Variants in CHL1 observed in about 807,000 individuals in gnomAD.
The protein encoded by CHL1 is cell adhesion molecule L1 like, also known as neural cell adhesion molecule L1-like protein.
In CHL1, 96 loss-of-function variants were observed where a neutral mutation model predicts 141.9. The ratio of observed to expected loss-of-function variants is 0.68; its 90% CI spans 0.57 to 0.80. The LOEUF (loss-of-function observed/expected upper bound fraction) is 0.80. Ranked by LOEUF, CHL1 falls within the 30% of genes least tolerant of loss-of-function variation. The pLI, the probability that CHL1 is intolerant of heterozygous loss-of-function variation, is 0.00. For synonymous variants in CHL1, 613 were observed against 502.2 expected (o/e 1.22, Z -2.95); for missense variants, 1,820 against 1,457.2 (o/e 1.25, Z -4.05).
rs144590542 is a variant in CHL1 at position 286,183 on chromosome 3, A to G, written c.-94-33500A>G. Among the ~76,000 whole-genome samples the G allele has an allele frequency of 2.5e-3, 376 of 152,290 alleles. 1 individual carries two copies. The highest frequency in any genetic ancestry group is 0.01 in the Middle Eastern group (3 of 294). Reference sequence around the variant, plus strand: ...AACACCACCCAGTTTGTCTCCTGCAAGGCACTTATCACAACCCTTAATGTT... The same window carrying G: ...AACACCACCCAGTTTGTCTCCTGCAGGGCACTTATCACAACCCTTAATGTT... On this transcript the variant is annotated intron_variant, in intron 2 of 27. Transcript: ENST00000256509.
chr3:265,212 C>A (rs79774183), intron 2 of CHL1, among the ~76,000 whole-genome samples: 4,517 of 152,272 alleles, frequency 0.03, 93 homozygotes, highest in Non-Finnish European at 0.049. Flanking sequence ...CCATTATTTG[C>A]TAGCTGCATG....
Position 214,782 on chromosome 3 carries a change from C to G in CHL1, c.-175+17719C>G, listed in dbSNP as rs571008416. On this transcript the variant is annotated intron_variant, in intron 1 of 27. Transcript: ENST00000256509. ...ATTAAAAGTTCAATAGGAATAAGTC[C>G]TCATGTTATGAGAGAGTATAAAGCA... Among the ~76,000 whole-genome samples the G allele has an allele frequency of 6.6e-5, 10 of 152,118 alleles. No individual in the cohort carries two copies. In the South Asian group the frequency reaches 1.5e-3, roughly 22 times the overall value.
chr3:408,695 G>T lies in CHL1; in HGVS notation c.*2984G>T, dbSNP rs935406964. 1.3e-5 allele frequency: 2 copies of T among 152,028 alleles called. No individual in the cohort carries two copies. Among genetic ancestry groups the T allele is most frequent in the African/African-American group, 4.8e-5 (2 of 41,412 alleles). The allele number at this position is 152,028 out of a possible 1,614,324, so 9.4% of individuals were successfully genotyped here. ...CTACATAAAATAAATCTACTGTTTA[G>T]TGAGCAGTATGATTTGTACATGCCA... On this transcript the variant is annotated 3_prime_UTR_variant, in exon 28 of 28. Coordinates refer to ENST00000256509, the MANE Select transcript of CHL1 (RefSeq NM_006614.4).
chr3:200,433 T>C (rs1197993132), intron 1 of CHL1, among the ~76,000 whole-genome samples: 2 of 152,182 alleles, frequency 1.3e-5, no homozygotes, highest in East Asian at 1.9e-4. Flanking sequence ...TACTATATTA[T>C]CTGATTCAGT....
chr3:248,844 T>C (rs1419166221), intron 2 of CHL1, among the ~76,000 whole-genome samples: 1 of 152,158 alleles, frequency 6.6e-6, no homozygotes, highest in Non-Finnish European at 1.5e-5. Context: ...ATCTCTTTCA[T>C]AAGCAGACAC....
intron 2 of CHL1, among the ~76,000 whole-genome samples, chr3:309,981 G>C (rs1314223742): frequency 6.6e-6 from 1 of 152,040 alleles, no homozygotes; most frequent in Non-Finnish European, 1.5e-5. Context: ...GAAAATAAGG[G>C]ACAGACCTTT....
At chr3:268,507 C>T (rs1173638137) in intron 2 of CHL1, among the ~76,000 whole-genome samples, 2 of 151,800 alleles carry the variant, frequency 1.3e-5, no homozygotes, top group Non-Finnish European at 2.9e-5. Context: ...TGCAGTCCAG[C>T]CTGGGTGACA....
chr3:201,396 G>C (rs989159796), intron 1 of CHL1, among the ~76,000 whole-genome samples: 1 of 152,138 alleles, frequency 6.6e-6, no homozygotes, highest in South Asian at 2.1e-4. Context: ...TCAATTTTAA[G>C]GCATTTTCCT....
Position 382,552 on chromosome 3 carries a change from C to T in CHL1, c.2057C>T (p.Thr686Ile). 1.9e-6 allele frequency: 3 copies of T among 1,613,782 alleles called. No homozygotes were observed. Among genetic ancestry groups the T allele is most frequent in the Non-Finnish European group, 2.5e-6 (3 of 1,179,826 alleles). ...CTGACCAGAGTCCAAGGAAAGAAAA[C>T]CACAGTTATCTTACCTTTGGCTCCA... ...EELTRVQGKK[T>I]TVILPLAPFV... is the part of the protein sequence containing the mutation. The change falls in exon 18 of 28, where the codon ACC becomes ATC. Residue 686 changes from threonine (T) to isoleucine (I), a missense_variant. Thr to Ile is a moderately conservative substitution (Grantham distance 89). Coordinates refer to ENST00000256509, the MANE Select transcript of CHL1 (RefSeq NM_006614.4).
chr3:231,518 G>A (rs1441128113), intron 1 of CHL1, among the ~76,000 whole-genome samples: 1 of 148,022 alleles, frequency 6.8e-6, no homozygotes, highest in African/African-American at 2.5e-5. Context: ...AAAAAAAGAA[G>A]TTTATATTCA....
intron 10 of CHL1, among the ~76,000 whole-genome samples, chr3:353,032 G>T (rs1703395816): frequency 6.6e-6 from 1 of 152,086 alleles, no homozygotes; most frequent in African/African-American, 2.4e-5. Flanking sequence ...GGTGGGCCTG[G>T]GCAAGTTAGG....
chr3:223,967 A>T (rs1051114513), intron 1 of CHL1, among the ~76,000 whole-genome samples: 19 of 152,164 alleles, frequency 1.2e-4, no homozygotes, highest in Admixed American at 3.9e-4. Context: ...CCCAAATGCA[A>T]GAGTCTGAAA....
At chr3:233,150 C>A (rs149981985) in intron 1 of CHL1, among the ~76,000 whole-genome samples, 1 of 152,228 alleles carries the variant, frequency 6.6e-6, no homozygotes, top group Non-Finnish European at 1.5e-5. Flanking sequence ...TACAAATCCA[C>A]GATGGTCTTT....
intron 10 of CHL1, among the ~76,000 whole-genome samples, chr3:351,927 T>C (rs538514709): frequency 3.7e-4 from 57 of 152,268 alleles, no homozygotes; most frequent in East Asian, 3.3e-3. Context: ...AGATATATTA[T>C]AGTGACATCT....
intron 23 of CHL1, among the ~76,000 whole-genome samples, chr3:392,195 T>A (rs1262214932): frequency 1.3e-5 from 2 of 152,202 alleles, no homozygotes; most frequent in African/African-American, 4.8e-5. Flanking sequence ...ACGTGTTTAA[T>A]GTTTATATAT....
chr3:392,809 A>T (rs917651147), intron 23 of CHL1, among the ~76,000 whole-genome samples: 5 of 152,238 alleles, frequency 3.3e-5, no homozygotes, highest in Non-Finnish European at 5.9e-5. Context: ...ACATACAGGC[A>T]TAATCCCAAC....
At chr3:255,206 C>T (rs1244128138) in intron 2 of CHL1, among the ~76,000 whole-genome samples, 10 of 152,090 alleles carry the variant, frequency 6.6e-5, no homozygotes, top group African/African-American at 1.7e-4. Context: ...TCTGGCAAAA[C>T]GATGTTTTGA....
At chr3:256,795 G>A (rs1003172395) in intron 2 of CHL1, among the ~76,000 whole-genome samples, 6 of 152,202 alleles carry the variant, frequency 3.9e-5, no homozygotes, top group African/African-American at 1.2e-4. Flanking sequence ...AGCTTGCTCA[G>A]CATGCAGTAG....
At position 261,048 on chromosome 3, in the gene CHL1, T is replaced by G. The variant is rs1694671359; in HGVS notation, c.-95+16356T>G. 2.0e-5 allele frequency among the ~76,000 whole-genome samples: 3 copies of G among 152,178 alleles called. No individual in the cohort carries two copies. The South Asian group carries it at 6.2e-4, about 32-fold the overall frequency. ...TCTTCTGAATGATGACCTAAGCTGTTAAACCTTATAATAACATCACTAGTC... is the reference window on the plus strand; with the variant it reads ...TCTTCTGAATGATGACCTAAGCTGTGAAACCTTATAATAACATCACTAGTC... On this transcript the variant is annotated intron_variant, in intron 2 of 27. Transcript: ENST00000256509.
Sources: allele counts gnomAD v4.1 joint callset (sites outside exome capture counted in the v4.1 genomes callset), GRCh38; gene constraint gnomAD v4.1.1; transcripts MANE v1.5; gene names NCBI Gene and HGNC (gene_info 2026-07-23, HGNC 2026-07-21).